The following EYA2 variants were observed in gnomAD, a reference collection of about 807,000 sequenced individuals.
EYA2 encodes the protein EYA transcriptional coactivator and phosphatase 2.
Under a neutral mutation model 69.2 loss-of-function variants are expected in EYA2, and 31 were observed. The ratio of observed to expected loss-of-function variants is 0.45; its 90% CI spans 0.34 to 0.60. EYA2 has a LOEUF of 0.60. EYA2 is among the 20% of genes least tolerant of loss of function. EYA2 has a pLI of 0.02. For synonymous variants in EYA2, 257 were observed against 279.4 expected (o/e 0.92, Z 0.80); for missense variants, 622 against 701.2 (o/e 0.89, Z 1.28).
At chr20:46,950,078 G>A (rs1184461695) in intron 1 of EYA2, among the ~76,000 whole-genome samples, 1 of 152,206 alleles carries the variant, frequency 6.6e-6, no homozygotes, top group Non-Finnish European at 1.5e-5. Context: ...CACAGTGCCT[G>A]GCACAGAGTA....
intron 9 of EYA2, among the ~76,000 whole-genome samples, chr20:47,139,649 C>T (rs927144958): frequency 6.6e-6 from 1 of 152,090 alleles, no homozygotes; most frequent in Non-Finnish European, 1.5e-5. Context: ...AGGCTGGTCT[C>T]GAACTCCTGA....
chr20:46,919,989 G>A (rs1985107421), intron 1 of EYA2, among the ~76,000 whole-genome samples: 1 of 152,160 alleles, frequency 6.6e-6, no homozygotes, highest in African/African-American at 2.4e-5. Context: ...GGAACAGTTG[G>A]TTGAGGTCAG....
At chr20:46,941,638 C>T (rs959355593) in intron 1 of EYA2, among the ~76,000 whole-genome samples, 1 of 152,184 alleles carries the variant, frequency 6.6e-6, no homozygotes, top group Non-Finnish European at 1.5e-5. Flanking sequence ...TCAGTTTCCT[C>T]ACATGTATCA....
At chr20:47,088,055 C>T (rs935453069) in intron 7 of EYA2, among the ~76,000 whole-genome samples, 4 of 151,988 alleles carry the variant, frequency 2.6e-5, no homozygotes, top group African/African-American at 7.2e-5. Context: ...GGTGAAACCT[C>T]GTCTCCCTGT....
At chr20:47,067,047 G>A (rs749741956) in intron 5 of EYA2, among the ~76,000 whole-genome samples, 3 of 152,148 alleles carry the variant, frequency 2.0e-5, no homozygotes, top group Non-Finnish European at 4.4e-5. Flanking sequence ...CTGCCCTCAC[G>A]CTGTAGTTTG....
At chr20:47,152,524 G>A in intron 10 of EYA2, among the ~76,000 whole-genome samples, 1 of 151,764 alleles carries the variant, frequency 6.6e-6, no homozygotes, top group East Asian at 2.0e-4. Flanking sequence ...TAGAAACTAG[G>A]GGTGGGGCCA....
rs115355304 is a variant in EYA2, at chr20:47,016,459, G to A, written c.415+162G>A. On this transcript the variant is annotated intron_variant, in intron 5 of 15. Coordinates refer to ENST00000327619, the MANE Select transcript of EYA2 (RefSeq NM_005244.5). ...GATACGAGATCTGCCTTTCATGGTC[G>A]TTACCTGGCAGTGGGGAGAGACTAA... Among the ~76,000 whole-genome samples, 1,262 of 152,292 alleles carry A rather than the reference G, an allele frequency of 8.3e-3. 18 individuals are homozygous for A. The highest frequency in any genetic ancestry group is 0.029 in the African/African-American group (1,212 of 41,560).
chr20:47,062,415 C>T (rs557660929), intron 5 of EYA2, among the ~76,000 whole-genome samples: 10 of 152,272 alleles, frequency 6.6e-5, no homozygotes, highest in East Asian at 1.9e-4. Flanking sequence ...GAGGTCACCC[C>T]GGTATCGCAG....
intron 1 of EYA2, among the ~76,000 whole-genome samples, chr20:46,930,670 A>T (rs75559340): frequency 0.018 from 2,736 of 152,290 alleles, 94 homozygotes; most frequent in African/African-American, 0.063. Context: ...GTCATAAACT[A>T]AAAAAAGGCA....
chr20:47,177,615 G>A (rs1205266977), intron 12 of EYA2, among the ~76,000 whole-genome samples: 1 of 152,240 alleles, frequency 6.6e-6, no homozygotes, highest in Non-Finnish European at 1.5e-5. Flanking sequence ...GAGGGGGCAC[G>A]TGGTCCAGGA....
At chr20:47,038,776 T>C (rs6066178) in intron 5 of EYA2, among the ~76,000 whole-genome samples, 100,536 of 152,066 alleles carry the variant, frequency 0.66, 34,570 homozygotes, top group Non-Finnish European at 0.77. Context: ...TCCCCGCACG[T>C]AGCCCCTGGC....
intron 2 of EYA2, among the ~76,000 whole-genome samples, chr20:46,999,799 G>T (rs1248580009): frequency 6.6e-6 from 1 of 152,208 alleles, no homozygotes; most frequent in Non-Finnish European, 1.5e-5. Flanking sequence ...CTTGCCCACG[G>T]TTGTGTGACT....
intron 12 of EYA2, among the ~76,000 whole-genome samples, chr20:47,177,893 A>G (rs1389267228): frequency 3.3e-5 from 5 of 152,220 alleles, no homozygotes; most frequent in African/African-American, 9.7e-5. Context: ...TGCCAAACAC[A>G]TCGTCACACA....
intron 1 of EYA2, among the ~76,000 whole-genome samples, chr20:46,973,791 G>C (rs1358432947): frequency 7.0e-6 from 1 of 142,816 alleles, no homozygotes; most frequent in Non-Finnish European, 1.5e-5. Flanking sequence ...GACCAAAAGA[G>C]AAGGAGGAAA....
At chr20:47,161,135 G>A (rs187631949) in intron 10 of EYA2, 2 of 336,568 alleles carry the variant, frequency 5.9e-6, no homozygotes, top group East Asian at 1.7e-4. Flanking sequence ...GCCCCTGGGT[G>A]CAGGGATGAA....
intron 1 of EYA2, among the ~76,000 whole-genome samples, chr20:46,940,902 G>A (rs6066130): frequency 0.32 from 48,613 of 152,200 alleles, 9,688 homozygotes; most frequent in Non-Finnish European, 0.45. Context: ...TGACCCCGGG[G>A]TGAAAGGTTT....
intron 10 of EYA2, among the ~76,000 whole-genome samples, chr20:47,159,122 G>A (rs532578337): frequency 1.3e-4 from 19 of 151,950 alleles, no homozygotes; most frequent in Non-Finnish European, 2.2e-4. Flanking sequence ...TGTGAGCCAC[G>A]CATAGTGACT....
intron 5 of EYA2, among the ~76,000 whole-genome samples, chr20:47,047,929 C>A (rs1227704126): frequency 1.3e-5 from 2 of 152,122 alleles, no homozygotes; most frequent in Non-Finnish European, 2.9e-5. Context: ...ATCTCGCTCC[C>A]AGCCTCCCAA....
At position 47,001,442 on chromosome 20, in the gene EYA2, G is replaced by T. The variant is rs145832732; in HGVS notation, c.124G>T (p.Ala42Ser). 3.1e-6 allele frequency: 5 copies of T among 1,613,876 alleles called. No homozygotes were observed. Among genetic ancestry groups the T allele is most frequent in the African/African-American group, 1.3e-5 (1 of 74,840 alleles). ...LSDRQGITKSAPLRVSQLFSR... is the reference protein window; with the variant it reads ...LSDRQGITKSSPLRVSQLFSR... ...TTCTCCTGCAGGCATCACCAAATCG[G>T]CCCCCCTGAGAGTGTCCCAGCTCTT... Residue 42 changes from alanine (A) to serine (S), a missense_variant, in exon 3 of 16, where the codon GCC becomes TCC. By Grantham distance (99) the Ala-to-Ser change is moderately conservative. Transcript: ENST00000327619.
Sources: allele counts gnomAD v4.1 joint callset (sites outside exome capture counted in the v4.1 genomes callset), GRCh38; gene constraint gnomAD v4.1.1; transcripts MANE v1.5; gene names NCBI Gene and HGNC (gene_info 2026-07-23, HGNC 2026-07-21).